The following HMGXB3 variants were observed in gnomAD, a reference collection of about 807,000 sequenced individuals.
HMGXB3 encodes HMG-box containing 3, also known as HMG domain-containing protein 3.
Under a neutral mutation model 121.5 loss-of-function variants are expected in HMGXB3, and 45 were observed. The ratio of observed to expected loss-of-function variants is 0.37; its 90% CI spans 0.29 to 0.47. The LOEUF (loss-of-function observed/expected upper bound fraction) is 0.47, where lower values mean the gene tolerates loss of function less well. HMGXB3 is among the 20% of genes least tolerant of loss of function. HMGXB3 has a pLI of 0.99. For synonymous variants in HMGXB3, 590 were observed against 624.1 expected (o/e 0.95, Z 0.81); for missense variants, 1,376 against 1,602.2 (o/e 0.86, Z 2.41).
At chr5:150,025,921 CCCGGGT>C (rs1250830163) in intron 7 of HMGXB3, among the ~76,000 whole-genome samples, 2 of 151,942 alleles carry the variant, frequency 1.3e-5, no homozygotes, top group Non-Finnish European at 2.9e-5. Context: ...AGCTCCGCCT[CCCGGGT>C]CCATGCCATT....
chr5:150,042,337 T>C (rs1756653712), intron 15 of HMGXB3, among the ~76,000 whole-genome samples: 1 of 152,176 alleles, frequency 6.6e-6, no homozygotes, highest in African/African-American at 2.4e-5. Context: ...CAAATATCTG[T>C]CCAGGAGTAG....
chr5:150,006,189 C>A (rs1169593176), intron 2 of HMGXB3, among the ~76,000 whole-genome samples: 1 of 152,094 alleles, frequency 6.6e-6, no homozygotes, highest in Non-Finnish European at 1.5e-5. Flanking sequence ...TTGTGTTGTA[C>A]TGACAGCTAT....
chr5:150,023,202 G>A (rs1454987594), intron 6 of HMGXB3, among the ~76,000 whole-genome samples: 2 of 152,016 alleles, frequency 1.3e-5, no homozygotes, highest in South Asian at 2.1e-4. Flanking sequence ...GGTAGTAAGC[G>A]ACTGGGAGAT....
intron 14 of HMGXB3, among the ~76,000 whole-genome samples, chr5:150,041,240 G>A (rs973820287): frequency 6.6e-6 from 1 of 152,160 alleles, no homozygotes; most frequent in African/African-American, 2.4e-5. Context: ...TAAGAGTGAG[G>A]ACCATCCTTT....
intron 16 of HMGXB3, 159 bp from the exon 17 acceptor site, chr5:150,047,465 C>A: frequency 1.3e-6 from 1 of 748,660 alleles, no homozygotes; most frequent in Non-Finnish European, 2.1e-6. Context: ...CTTCAAATAT[C>A]TGCAGAAAGC....
rs749619104 is a variant in HMGXB3, at chr5:150,010,303, C to G, written c.505C>G (p.Pro169Ala). Reference sequence around the variant, plus strand: ...ACCTCCTCTTGTGTCCAACACTGCCCCGGAGACAGTGCCCAGCCATGCAGG... The same window carrying G: ...ACCTCCTCTTGTGTCCAACACTGCCGCGGAGACAGTGCCCAGCCATGCAGG... ...KGPPLVSNTAPETVPSHAGMA... is the reference protein window; with the variant it reads ...KGPPLVSNTAAETVPSHAGMA... Residue 169 changes from proline (P) to alanine (A), a missense_variant, in exon 4 of 20, where the codon CCG (proline) becomes GCG (alanine). Coordinates refer to ENST00000502717, the MANE Select transcript of HMGXB3 (RefSeq NM_014983.3). 7 of 1,551,772 alleles carry G rather than the reference C, an allele frequency of 4.5e-6. No homozygotes were observed. The highest frequency in any genetic ancestry group is 5.2e-6 in the Non-Finnish European group (6 of 1,147,008).
chr5:150,024,584 G>A lies in HMGXB3; in HGVS notation c.1364G>A (p.Gly455Glu). The change falls in exon 7 of 20, where the codon GGG becomes GAG. Residue 455 changes from glycine to glutamate, a missense_variant. Around this residue, in one of 2 missense-constraint regions of HMGXB3, gnomAD observed 1,116 missense variants for 1,369.0 expected, o/e 0.82. Coordinates refer to ENST00000502717, the MANE Select transcript of HMGXB3 (RefSeq NM_014983.3). Reference protein sequence around the residue: ...KSGVQPEVTLGTTDNDSPGAD... With the variant: ...KSGVQPEVTLETTDNDSPGAD... ...GGTGTGCAGCCTGAGGTCACTCTGG[G>A]GACAACTGACAATGACAGTCCTGGA... The A allele has an allele frequency of 6.4e-7, 1 of 1,551,694 alleles. No individual in the cohort carries two copies. Among genetic ancestry groups the A allele is most frequent in the Non-Finnish European group, 8.7e-7 (1 of 1,146,978 alleles).
intron 5 of HMGXB3, among the ~76,000 whole-genome samples, chr5:150,013,485 T>G (rs1358444412): frequency 6.6e-6 from 1 of 152,224 alleles, no homozygotes; most frequent in African/African-American, 2.4e-5. Flanking sequence ...GCTAAAAAGT[T>G]TGCTCAGAAT....
intron 16 of HMGXB3, among the ~76,000 whole-genome samples, chr5:150,045,933 A>G (rs1756745929): frequency 6.6e-6 from 1 of 152,190 alleles, no homozygotes; most frequent in Non-Finnish European, 1.5e-5. Context: ...TCTGGGATAC[A>G]CACACTGAGT....
chr5:150,004,235 G>A (rs1294639618), intron 1 of HMGXB3, among the ~76,000 whole-genome samples: 1 of 151,962 alleles, frequency 6.6e-6, no homozygotes, highest in Non-Finnish European at 1.5e-5. Flanking sequence ...ATAAATCTGT[G>A]GGAAGGTAGT....
Position 150,006,533 on chromosome 5 carries a change from C to A in HMGXB3, c.198C>A (p.His66Gln), listed in dbSNP as rs1755705949. ...IYLKVQQELPHLPQSEINKKI... is the reference protein window; with the variant it reads ...IYLKVQQELPQLPQSEINKKI... ...TGAAAGTGCAGCAGGAGCTCCCCCA[C>A]CTCCCTCAGTCTGAGATCAATAAGA... The change falls in exon 3 of 20, where the codon CAC (histidine) becomes CAA (glutamine). Residue 66 changes from histidine (H) to glutamine (Q), a missense_variant. Physicochemically the swap from His to Gln is conservative, Grantham distance 24 (BLOSUM62 0). Coordinates refer to ENST00000502717, the MANE Select transcript of HMGXB3 (RefSeq NM_014983.3). The A allele has an allele frequency of 6.4e-7, 1 of 1,552,026 alleles. No homozygotes were observed. The highest frequency in any genetic ancestry group is 8.7e-7 in the Non-Finnish European group (1 of 1,147,030).
At chr5:150,042,915 T>A (rs919628745) in intron 15 of HMGXB3, among the ~76,000 whole-genome samples, 1 of 152,224 alleles carries the variant, frequency 6.6e-6, no homozygotes, top group Non-Finnish European at 1.5e-5. Flanking sequence ...TGTATAACTT[T>A]GGAAACCAAA....
intron 4 of HMGXB3, among the ~76,000 whole-genome samples, chr5:150,011,778 AT>A (rs372705667): frequency 3.3e-3 from 462 of 140,556 alleles, no homozygotes; most frequent in Middle Eastern, 3.6e-3. Flanking sequence ...TAATTTTTGT[AT>A]TTTTTTTTTT....
chr5:150,012,192 G>A, intron 4 of HMGXB3, 63 bp from the exon 5 acceptor site: 1 of 1,141,718 alleles, frequency 8.8e-7, no homozygotes. Context: ...CCAGTGTTGA[G>A]TGGCCTGGGT....
Position 150,047,685 on chromosome 5 carries a change from C to T in HMGXB3, c.3012C>T (p.Gly1004=). Reference sequence around the variant, plus strand: ...GCACCTGCAAGCTTGATGAGATTGGCTCCTACAGTGAAGAGAAGCTGCAGC... The same window carrying T: ...GCACCTGCAAGCTTGATGAGATTGGTTCCTACAGTGAAGAGAAGCTGCAGC... ...QEGTCKLDEI[G]SYSEEKLQHL... Residue 1004 remains glycine, a synonymous_variant, in exon 17 of 20, where the codon GGC becomes GGT. Transcript: ENST00000502717. 2 of 1,551,732 alleles carry T rather than the reference C, an allele frequency of 1.3e-6. No homozygotes were observed. The highest frequency in any genetic ancestry group is 1.2e-5 in the South Asian group (1 of 84,062).
chr5:150,032,745 T>A, intron 11 of HMGXB3, 142 bp downstream of exon 11: 1 of 976,636 alleles, frequency 1.0e-6, no homozygotes, highest in Non-Finnish European at 1.5e-6. Flanking sequence ...GTTCTGAACC[T>A]GAGCAAGTGC....
intron 19 of HMGXB3, 56 bp from the exon 20 acceptor site, chr5:150,051,669 T>C (rs1011257105): frequency 6.7e-6 from 9 of 1,344,950 alleles, no homozygotes; most frequent in Non-Finnish European, 9.1e-6. Flanking sequence ...CGTCACCAGA[T>C]GGGTTCCACC....
intron 14 of HMGXB3, 139 bp from the exon 15 acceptor site, chr5:150,041,646 C>T (rs967691754): frequency 3.1e-6 from 2 of 650,178 alleles, no homozygotes; most frequent in African/African-American, 3.7e-5. Context: ...CCCTGACCCT[C>T]AGGGTAGGTA....
chr5:150,045,488 G>T lies in HMGXB3; in HGVS notation c.2753G>T (p.Gly918Val), dbSNP rs1262160740. 1 of 1,552,154 alleles carries T rather than the reference G, an allele frequency of 6.4e-7. No homozygotes were observed. Residue 918 changes from glycine to valine, a missense_variant, in exon 16 of 20, where the codon GGC becomes GTC. By Grantham distance (109) the Gly-to-Val change is moderately radical. Coordinates refer to ENST00000502717, the MANE Select transcript of HMGXB3 (RefSeq NM_014983.3). ...TAGTTCACCTGGCCTGAATTCCTGG[G>T]CTCTAATGAGGTAAATGTGGAGGAC... is the stretch of plus-strand genomic sequence containing the variant. Reference protein sequence around the residue: ...SVEFTWPEFLGSNEVNVEDFW... With the variant: ...SVEFTWPEFLVSNEVNVEDFW...
Sources: gnomAD v4.1 joint callset for allele counts (sites outside exome capture counted in the v4.1 genomes callset) on GRCh38, gnomAD v4.1.1 for gene constraint, gnomAD v4.1.1 regional missense constraint, MANE v1.5 for transcripts, NCBI Gene and HGNC (gene_info 2026-07-23, HGNC 2026-07-21) for gene names.